Variants in BANK1 observed in about 807,000 individuals in gnomAD.
BANK1 encodes B cell scaffold protein with ankyrin repeats 1.
Under a neutral mutation model 94.5 loss-of-function variants are expected in BANK1, and 95 were observed. That is an observed-to-expected ratio of 1.00 (90% CI 0.85 to 1.19). BANK1 has a LOEUF of 1.19. Ranked by LOEUF, BANK1 falls within the 50% of genes most tolerant of loss-of-function variation. The pLI is 0.00. For missense variants in BANK1, 987 were observed against 932.2 expected, an observed-to-expected ratio of 1.06 and a Z score of -0.77; for synonymous variants, 334 against 308.4, an observed-to-expected ratio of 1.08 and a Z score of -0.87.
At chr4:101,957,632 A>C (rs1724392032) in intron 7 of BANK1, among the ~76,000 whole-genome samples, 1 of 152,186 alleles carries the variant, frequency 6.6e-6, no homozygotes, top group East Asian at 1.9e-4. Flanking sequence ...AATTATATGA[A>C]AAATTTGAAA....
chr4:101,790,939 C>T lies in BANK1; in HGVS notation c.59C>T (p.Pro20Leu), dbSNP rs1724959007. 1 of 1,524,216 alleles carries T rather than the reference C, an allele frequency of 6.6e-7. No homozygotes were observed. The highest frequency in any genetic ancestry group is 2.5e-5 in the East Asian group (1 of 40,662). 94.4% of individuals were successfully genotyped at this position (1,524,216 alleles called of 1,614,324 possible). A position where few individuals can be genotyped will look rare whatever the true frequency, so the allele number is the denominator to read the frequency against. The change falls in exon 1 of 17, where the codon CCA (proline) becomes CTA (leucine). Residue 20 changes from proline to leucine, a missense_variant. Physicochemically the swap from Pro to Leu is moderately conservative, Grantham distance 98. Transcript: ENST00000322953. The part of the protein sequence containing the change: ...LGSPDPAPCG[P>L]APPGNTKDII... ...AGCCCGGACCCCGCCCCCTGCGGCC[C>T]AGCGCCCCCAGGTGGGTAGTCGCGC... is the stretch of plus-strand genomic sequence containing the variant.
Position 102,021,566 on chromosome 4 carries a change from T to C in BANK1, c.1259T>C (p.Ile420Thr), listed in dbSNP as rs757816638. ...NEQENDYEED[I>T]ASFSTYIPST... ...CAAGAAAATGATTATGAAGAGGATATTGCCTCATTTTCCACATATATTCCT... is the reference window on the plus strand; with the variant it reads ...CAAGAAAATGATTATGAAGAGGATACTGCCTCATTTTCCACATATATTCCT... Residue 420 changes from isoleucine to threonine, a missense_variant, in exon 8 of 17, where the codon ATT becomes ACT. By Grantham distance (89) the Ile-to-Thr change is moderately conservative. Transcript: ENST00000322953. The C allele has an allele frequency of 1.4e-6, 2 of 1,451,276 alleles. No individual in the cohort carries two copies. Among genetic ancestry groups the C allele is most frequent in the Non-Finnish European group, 1.9e-6 (2 of 1,076,366 alleles). The allele number at this position is 1,451,276 out of a possible 1,614,324, so 89.9% of individuals were successfully genotyped here.
chr4:101,961,326 T>A (rs1403394418), intron 7 of BANK1, among the ~76,000 whole-genome samples: 2 of 152,174 alleles, frequency 1.3e-5, no homozygotes, highest in Non-Finnish European at 2.9e-5. Flanking sequence ...ATGTCCAGAC[T>A]CTCATGTTAC....
At chr4:102,065,106 G>A (rs1256451599) in intron 13 of BANK1, among the ~76,000 whole-genome samples, 1 of 152,190 alleles carries the variant, frequency 6.6e-6, no homozygotes, top group Non-Finnish European at 1.5e-5. Flanking sequence ...CAGAGTTGAG[G>A]AAAAAGCCAG....
At chr4:102,027,225 C>T (rs915761684) in intron 9 of BANK1, among the ~76,000 whole-genome samples, 35 of 151,870 alleles carry the variant, frequency 2.3e-4, no homozygotes, top group Non-Finnish European at 1.9e-4. Context: ...CAGATTATTT[C>T]TCTTAAAAGT....
intron 7 of BANK1, among the ~76,000 whole-genome samples, chr4:101,997,141 G>T (rs1725906832): frequency 6.6e-6 from 1 of 152,220 alleles, no homozygotes; most frequent in East Asian, 1.9e-4. Context: ...TACCATGAAA[G>T]GGTGTTGAAT....
intron 2 of BANK1, among the ~76,000 whole-genome samples, chr4:101,847,620 A>T (rs946673194): frequency 6.6e-5 from 10 of 151,918 alleles, no homozygotes; most frequent in Admixed American, 6.6e-4. Flanking sequence ...AGAACATACG[A>T]TGTTTGGTTT....
At chr4:101,833,115 G>A (rs1726689469) in intron 2 of BANK1, among the ~76,000 whole-genome samples, 1 of 152,006 alleles carries the variant, frequency 6.6e-6, no homozygotes, top group African/African-American at 2.4e-5. Context: ...GAGTAGCTGG[G>A]ATTACAGGTG....
chr4:102,042,874 C>T (rs1451174982), intron 10 of BANK1, among the ~76,000 whole-genome samples: 12 of 151,918 alleles, frequency 7.9e-5, no homozygotes, highest in Admixed American at 6.6e-4. Context: ...GGGGAAGTGG[C>T]AGTAGTGCTG....
At chr4:101,936,659 T>C in intron 7 of BANK1, among the ~76,000 whole-genome samples, 1 of 151,288 alleles carries the variant, frequency 6.6e-6, no homozygotes, top group East Asian at 2.0e-4. Context: ...AAGATTTGAA[T>C]AGCGACTCCT....
intron 7 of BANK1, among the ~76,000 whole-genome samples, chr4:101,950,223 C>T (rs375298673): frequency 6.6e-6 from 1 of 152,060 alleles, no homozygotes; most frequent in Non-Finnish European, 1.5e-5. Context: ...TATTATTATT[C>T]TGTTTCTACT....
rs200425762 is a variant in BANK1 at position 101,808,659 on chromosome 4, GA to G, written c.70+17720del. ...ATGCACAAGGAACTCAAATCAGCAA[GA>G]AAAAAAAAAATCCCATCAAAAAGGG... On this transcript the variant is annotated intron_variant, in intron 1 of 16. Coordinates refer to ENST00000322953, the MANE Select transcript of BANK1 (RefSeq NM_017935.5). Among the ~76,000 whole-genome samples the G allele has an allele frequency of 2.4e-3, 339 of 141,564 alleles. 1 individual carries two copies. The highest frequency in any genetic ancestry group is 6.8e-3 in the African/African-American group (265 of 38,794). 92.9% of individuals were successfully genotyped at this position (141,564 alleles called of 152,430 possible). A position where few individuals can be genotyped will look rare whatever the true frequency, so the allele number is the denominator to read the frequency against.
chr4:101,849,476 G>A (rs11097756), intron 2 of BANK1, among the ~76,000 whole-genome samples: 12,338 of 151,936 alleles, frequency 0.081, 770 homozygotes, highest in African/African-American at 0.17. Context: ...TGGTGGTGGC[G>A]TTTTTAGTTA....
At chr4:101,951,486 T>C (rs1359042975) in intron 7 of BANK1, among the ~76,000 whole-genome samples, 4 of 152,118 alleles carry the variant, frequency 2.6e-5, no homozygotes, top group Non-Finnish European at 5.9e-5. Context: ...CAATTAACAC[T>C]GAAAGCTGAA....
At chr4:101,913,271 A>C (rs1722725731) in intron 6 of BANK1, among the ~76,000 whole-genome samples, 1 of 152,226 alleles carries the variant, frequency 6.6e-6, no homozygotes, top group African/African-American at 2.4e-5. Context: ...AAATTTCTAG[A>C]GGCTTCTTAT....
chr4:102,050,410 A>G (rs1379379881), intron 11 of BANK1, among the ~76,000 whole-genome samples: 1 of 152,226 alleles, frequency 6.6e-6, no homozygotes, highest in African/African-American at 2.4e-5. Context: ...CAGAGCTTTT[A>G]AACTTTGGTT....
chr4:101,849,441 C>T (rs184862010), intron 2 of BANK1, among the ~76,000 whole-genome samples: 331 of 152,168 alleles, frequency 2.2e-3, no homozygotes, highest in Middle Eastern at 6.8e-3. Context: ...CAATACATGT[C>T]TTTAGCTTAA....
intron 11 of BANK1, among the ~76,000 whole-genome samples, chr4:102,048,873 C>G (rs1359517319): frequency 6.6e-6 from 1 of 152,180 alleles, no homozygotes; most frequent in East Asian, 1.9e-4. Flanking sequence ...TCAACAGATT[C>G]TTCAACTCAG....
intron 5 of BANK1, among the ~76,000 whole-genome samples, chr4:101,887,067 A>G (rs931932687): frequency 6.6e-6 from 1 of 152,234 alleles, no homozygotes; most frequent in African/African-American, 2.4e-5. Flanking sequence ...ATTTATGAGC[A>G]TGTCCTTAAA....
Sources: allele counts gnomAD v4.1 joint callset (sites outside exome capture counted in the v4.1 genomes callset), GRCh38; gene constraint gnomAD v4.1.1; transcripts MANE v1.5; gene names NCBI Gene and HGNC (gene_info 2026-07-23, HGNC 2026-07-21).